Variants in TBC1D5 observed in about 807,000 individuals in gnomAD.
TBC1D5 encodes TBC1 domain family, member 5.
Under a neutral mutation model 100.3 loss-of-function variants are expected in TBC1D5, and 75 were observed. The ratio of observed to expected loss-of-function variants is 0.75; its 90% CI spans 0.62 to 0.91. TBC1D5 has a LOEUF of 0.91. Ranked by LOEUF, TBC1D5 falls within the 40% of genes least tolerant of loss-of-function variation. The pLI is 0.00. For missense variants in TBC1D5, 910 were observed against 942.4 expected (o/e 0.97, Z 0.45); for synonymous variants, 323 against 325.6 (o/e 0.99, Z 0.09).
chr3:17,475,502 T>C (rs966632329), intron 3 of TBC1D5, among the ~76,000 whole-genome samples: 1 of 152,130 alleles, frequency 6.6e-6, no homozygotes, highest in African/African-American at 2.4e-5. Flanking sequence ...GCCAAAAATC[T>C]AGGAATCTTT....
chr3:17,697,811 A>C (rs190723866), intron 1 of TBC1D5, among the ~76,000 whole-genome samples: 12 of 151,956 alleles, frequency 7.9e-5, no homozygotes, highest in Admixed American at 6.6e-4. Context: ...AATCCTAAGC[A>C]AAAAGAACAA....
At chr3:17,701,080 C>T (rs2073114008) in intron 1 of TBC1D5, among the ~76,000 whole-genome samples, 1 of 152,090 alleles carries the variant, frequency 6.6e-6, no homozygotes, top group Admixed American at 6.6e-5. Flanking sequence ...GGAACCAACC[C>T]AAATGTCCAT....
chr3:17,232,247 T>C (rs1262712866), intron 17 of TBC1D5, among the ~76,000 whole-genome samples: 1 of 152,172 alleles, frequency 6.6e-6, no homozygotes, highest in East Asian at 1.9e-4. Context: ...AGCCAACTCT[T>C]AGCTTTTCTT....
intron 15 of TBC1D5, among the ~76,000 whole-genome samples, chr3:17,286,095 A>C (rs968676266): frequency 6.6e-6 from 1 of 152,210 alleles, no homozygotes; most frequent in African/African-American, 2.4e-5. Flanking sequence ...TAAAATGGTA[A>C]TACATGTACT....
intron 13 of TBC1D5, among the ~76,000 whole-genome samples, chr3:17,343,630 T>C (rs1409710686): frequency 6.6e-6 from 1 of 151,952 alleles, no homozygotes; most frequent in African/African-American, 2.4e-5. Context: ...TATTGATTAT[T>C]GCCACAATTT....
At chr3:17,668,272 G>T (rs1417843036) in intron 1 of TBC1D5, among the ~76,000 whole-genome samples, 5 of 150,988 alleles carry the variant, frequency 3.3e-5, no homozygotes. Flanking sequence ...GAGGAATGGG[G>T]GGGTGGCTAC....
Position 17,483,813 on chromosome 3 carries a change from A to G in TBC1D5, c.97+24661T>C, listed in dbSNP as rs543754802. Among the ~76,000 whole-genome samples the G allele has an allele frequency of 2.0e-5, 3 of 152,194 alleles. No homozygotes were observed. In the East Asian group the frequency reaches 5.8e-4, roughly 29 times the overall value. ...ACAATTAATTAAATGTACATAAAGG[A>G]CTATTAAAGTAGTATGCCTGACAGC... On this transcript the variant is annotated intron_variant, in intron 3 of 21. Transcript: ENST00000253692.
chr3:17,588,269 A>G (rs2096744950), intron 2 of TBC1D5, among the ~76,000 whole-genome samples: 1 of 151,324 alleles, frequency 6.6e-6, no homozygotes, highest in Non-Finnish European at 1.5e-5. Flanking sequence ...AAAAAAAAAA[A>G]GAGAACACTA....
exon 1 of TBC1D5, chr3:17,740,670 G>A (rs921350610): frequency 5.3e-5 from 8 of 152,142 alleles, no homozygotes; most frequent in African/African-American, 1.9e-4. Flanking sequence ...ACTCTCAATT[G>A]TTTGCAAATT....
intron 1 of TBC1D5, among the ~76,000 whole-genome samples, chr3:17,694,299 G>A (rs529138783): frequency 4.9e-4 from 74 of 152,246 alleles, no homozygotes; most frequent in African/African-American, 1.7e-3. Context: ...AAACTTTTCC[G>A]AGCTAAAGGA....
intron 1 of TBC1D5, among the ~76,000 whole-genome samples, chr3:17,668,105 A>G (rs1393986381): frequency 1.3e-5 from 2 of 149,172 alleles, no homozygotes; most frequent in African/African-American, 4.9e-5. Context: ...AAATATATAT[A>G]TATTTTTAAT....
At chr3:17,291,963 T>G in exon 15 of TBC1D5, 3 of 1,613,886 alleles carry the variant, frequency 1.9e-6, no homozygotes, top group Non-Finnish European at 1.7e-6. Context: ...GGGTAATGCA[T>G]CAGAAGGCCG....
intron 12 of TBC1D5, 101 bp from the exon 13 acceptor site, chr3:17,372,348 A>G: frequency 9.1e-7 from 1 of 1,099,702 alleles, no homozygotes; most frequent in Non-Finnish European, 1.2e-6. Flanking sequence ...AAGTCTTATT[A>G]TCTGCCTACT....
intron 3 of TBC1D5, among the ~76,000 whole-genome samples, chr3:17,435,057 C>T (rs1270770586): frequency 1.3e-5 from 2 of 152,180 alleles, no homozygotes; most frequent in East Asian, 3.8e-4. Context: ...ACAACCTCAG[C>T]CTGGACTTTA....
intron 4 of TBC1D5, among the ~76,000 whole-genome samples, chr3:17,408,299 A>T (rs1035122738): frequency 6.0e-4 from 90 of 150,668 alleles, no homozygotes; most frequent in Non-Finnish European, 1.0e-3. Context: ...ACACACACAC[A>T]CACACACACA....
intron 8 of TBC1D5, among the ~76,000 whole-genome samples, chr3:17,397,370 T>C (rs1203111291): frequency 4.6e-5 from 7 of 152,098 alleles, no homozygotes; most frequent in Non-Finnish European, 8.8e-5. Flanking sequence ...AACATTAAGA[T>C]GAGAAAGTTA....
At chr3:17,485,807 T>G (rs1012221418) in intron 3 of TBC1D5, among the ~76,000 whole-genome samples, 13 of 151,918 alleles carry the variant, frequency 8.6e-5, no homozygotes, top group Non-Finnish European at 1.9e-4. Context: ...AACATACGTG[T>G]GCATGTGTCT....
chr3:17,235,113 T>C (rs1474902845), intron 17 of TBC1D5, among the ~76,000 whole-genome samples: 1 of 152,158 alleles, frequency 6.6e-6, no homozygotes, highest in Non-Finnish European at 1.5e-5. Context: ...TATTAATGTA[T>C]AGAGACTGAC....
intron 2 of TBC1D5, among the ~76,000 whole-genome samples, chr3:17,546,035 A>C (rs1224478894): frequency 1.8e-4 from 28 of 152,246 alleles, no homozygotes; most frequent in Non-Finnish European, 2.2e-4. Flanking sequence ...TAAAAAAATT[A>C]GCAATTAAAT....
Sources: allele counts gnomAD v4.1 joint callset (sites outside exome capture counted in the v4.1 genomes callset), GRCh38; gene constraint gnomAD v4.1.1; transcripts MANE v1.5; gene names NCBI Gene and HGNC (gene_info 2026-07-23, HGNC 2026-07-21).